Variants in ERC1 observed in about 807,000 individuals in gnomAD.
The protein encoded by ERC1 is RAB6 interacting protein 2.
ERC1 carries 56 observed loss-of-function variants against 132.0 expected under a neutral mutation model. The ratio of observed to expected loss-of-function variants is 0.42; its 90% CI spans 0.34 to 0.53. The LOEUF (loss-of-function observed/expected upper bound fraction) is 0.53, where lower values mean the gene tolerates loss of function less well. Ranked by LOEUF, ERC1 falls within the 20% of genes least tolerant of loss-of-function variation. The pLI, the probability that ERC1 is intolerant of heterozygous loss-of-function variation, is 0.03. For synonymous variants in ERC1, 478 were observed against 476.1 expected, an observed-to-expected ratio of 1.00 and a Z score of -0.05; for missense variants, 1,202 against 1,349.9, an observed-to-expected ratio of 0.89 and a Z score of 1.72.
chr12:1,240,065 A>T (rs1378357212), intron 13 of ERC1, among the ~76,000 whole-genome samples: 2 of 152,236 alleles, frequency 1.3e-5, no homozygotes, highest in African/African-American at 4.8e-5. Flanking sequence ...TCATATAAGG[A>T]TGGACAGAGG....
intron 2 of ERC1, among the ~76,000 whole-genome samples, chr12:1,077,665 G>A (rs1941564182): frequency 6.6e-6 from 1 of 152,154 alleles, no homozygotes; most frequent in South Asian, 2.1e-4. Context: ...AGTGTGTCGG[G>A]AACAGACTTC....
At chr12:1,475,209 T>C (rs1326548998) in intron 18 of ERC1, among the ~76,000 whole-genome samples, 2 of 152,194 alleles carry the variant, frequency 1.3e-5, no homozygotes, top group Non-Finnish European at 2.9e-5. Flanking sequence ...GCCTGTATCA[T>C]CAGATTGTTT....
In ERC1 at chr12:1,325,673, A is replaced by G. The variant is rs1011585227; in HGVS notation, c.2780+35661A>G. On this transcript the variant is annotated intron_variant, in intron 15 of 18. Transcript: ENST00000360905. The stretch of plus-strand genomic sequence containing the variant: ...GATATTTCAGATTGTAATTCTTAGA[A>G]TTGACCATGCCATTTATTCCTCTTT... 5.3e-5 allele frequency among the ~76,000 whole-genome samples: 8 copies of G among 152,288 alleles called. No individual in the cohort carries two copies. In the East Asian group the frequency reaches 1.5e-3, roughly 29 times the overall value.
At chr12:1,442,208 A>G (rs556879683) in intron 17 of ERC1, among the ~76,000 whole-genome samples, 100 of 152,318 alleles carry the variant, frequency 6.6e-4, no homozygotes, top group Non-Finnish European at 1.1e-3. Flanking sequence ...GTTTACAGGC[A>G]TGATCCACCA....
intron 18 of ERC1, among the ~76,000 whole-genome samples, chr12:1,469,540 C>T (rs75046655): frequency 0.018 from 2,778 of 152,330 alleles, 95 homozygotes; most frequent in African/African-American, 0.064. Flanking sequence ...GCCTCCCCTC[C>T]GTGTGGGAAT....
At chr12:1,416,122 GTTGAA>G (rs1248830739) in intron 17 of ERC1, among the ~76,000 whole-genome samples, 2 of 152,208 alleles carry the variant, frequency 1.3e-5, no homozygotes, top group Admixed American at 6.5e-5. Flanking sequence ...ATGGAAGGGT[GTTGAA>G]TTGAATTGAA....
intron 7 of ERC1, among the ~76,000 whole-genome samples, chr12:1,137,094 T>TC (rs1185330075): frequency 1.4e-5 from 2 of 147,894 alleles, no homozygotes; most frequent in Non-Finnish European, 3.0e-5. Context: ...TTTCTTTTTT[T>TC]CTTTTCTTTT....
At chr12:1,455,869 G>A (rs1018660596) in intron 18 of ERC1, among the ~76,000 whole-genome samples, 3 of 152,190 alleles carry the variant, frequency 2.0e-5, no homozygotes, top group African/African-American at 4.8e-5. Context: ...GATTTTAAAA[G>A]GCAGTACTGA....
chr12:1,324,303 A>G (rs969644230), intron 15 of ERC1, among the ~76,000 whole-genome samples: 1 of 152,158 alleles, frequency 6.6e-6, no homozygotes, highest in African/African-American at 2.4e-5. Flanking sequence ...ATGAACTCCA[A>G]AGTCTACCCT....
intron 16 of ERC1, among the ~76,000 whole-genome samples, chr12:1,393,028 C>G (rs910422434): frequency 2.0e-5 from 3 of 152,054 alleles, no homozygotes. Context: ...AGAGTTTGGC[C>G]TTATATCATT....
At chr12:1,482,831 T>C (rs2094119641) in intron 18 of ERC1, among the ~76,000 whole-genome samples, 1 of 152,150 alleles carries the variant, frequency 6.6e-6, no homozygotes, top group Admixed American at 6.5e-5. Context: ...ATTTAGTGTG[T>C]TCTCAGAGTT....
intron 15 of ERC1, among the ~76,000 whole-genome samples, chr12:1,305,980 A>G (rs938838405): frequency 6.6e-6 from 1 of 152,046 alleles, no homozygotes; most frequent in African/African-American, 2.4e-5. Context: ...CTTCATCTCT[A>G]TTTCTGAAAT....
chr12:1,091,058 T>G (rs1943135828), intron 3 of ERC1, among the ~76,000 whole-genome samples: 1 of 152,062 alleles, frequency 6.6e-6, no homozygotes, highest in South Asian at 2.1e-4. Context: ...CAAGCTAATT[T>G]TTGTATTTTT....
intron 18 of ERC1, among the ~76,000 whole-genome samples, chr12:1,459,300 GAACC>G (rs2093601459): frequency 6.6e-6 from 1 of 152,104 alleles, no homozygotes. Context: ...AGAAATCTCT[GAACC>G]TCATGGCTAT....
At chr12:1,470,423 T>C (rs1196072314) in intron 18 of ERC1, among the ~76,000 whole-genome samples, 3 of 151,972 alleles carry the variant, frequency 2.0e-5, no homozygotes. Context: ...GGTTTCTTAT[T>C]AGTTGTTTGG....
chr12:1,213,971 C>T (rs1958132009), intron 12 of ERC1, among the ~76,000 whole-genome samples: 1 of 151,838 alleles, frequency 6.6e-6, no homozygotes. Flanking sequence ...TATGAGAATG[C>T]CAGGGTACTT....
In ERC1 at chr12:1,494,208, G is replaced by GT. The variant is rs1429749481; in HGVS notation, c.*3980dup. The GT allele has an allele frequency of 2.6e-5, 6 of 232,232 alleles. No individual in the cohort carries two copies. Among genetic ancestry groups the GT allele is most frequent in the African/African-American group, 1.3e-4 (6 of 45,290 alleles). 14.4% of individuals were successfully genotyped at this position (232,232 alleles called of 1,614,324 possible). A position where few individuals can be genotyped will look rare whatever the true frequency, so the allele number is the denominator to read the frequency against. On this transcript the variant is annotated 3_prime_UTR_variant, in exon 19 of 19. Coordinates refer to ENST00000360905, the MANE Select transcript of ERC1 (RefSeq NM_178040.4). ...CCTGGCCTCCTCTTCACCTGCCTGG[G>GT]TTCGGAACTGAGGAGGAAGGATGAG...
chr12:1,317,499 A>G (rs778002186), intron 15 of ERC1, among the ~76,000 whole-genome samples: 1 of 152,206 alleles, frequency 6.6e-6, no homozygotes, highest in Admixed American at 6.5e-5. Context: ...ATGTATACCT[A>G]TGTAACAAAC....
At chr12:1,360,175 T>C (rs1011863306) in intron 15 of ERC1, among the ~76,000 whole-genome samples, 13 of 152,374 alleles carry the variant, frequency 8.5e-5, no homozygotes, top group African/African-American at 3.1e-4. Context: ...ATTTCAGTTA[T>C]GTTGTCTGTT....
Sources: gnomAD v4.1 joint callset for allele counts (sites outside exome capture counted in the v4.1 genomes callset) on GRCh38, gnomAD v4.1.1 for gene constraint, MANE v1.5 for transcripts, NCBI Gene and HGNC (gene_info 2026-07-23, HGNC 2026-07-21) for gene names.